Variants in PTPRT observed in about 807,000 individuals in gnomAD.
PTPRT encodes receptor-type tyrosine-protein phosphatase T.
In PTPRT, 56 loss-of-function variants were observed where a neutral mutation model predicts 176.8. That is an observed-to-expected ratio of 0.32 (90% CI 0.26 to 0.40). The LOEUF (loss-of-function observed/expected upper bound fraction) is 0.40. PTPRT is among the 10% of genes least tolerant of loss of function. The pLI, the probability that PTPRT is intolerant of heterozygous loss-of-function variation, is 1.00. For missense variants in PTPRT, 1,540 were observed against 1,908.2 expected (o/e 0.81, Z 3.60); for synonymous variants, 783 against 739.0 (o/e 1.06, Z -0.96).
At chr20:42,949,442 A>G (rs947005584) in intron 1 of PTPRT, among the ~76,000 whole-genome samples, 9 of 152,208 alleles carry the variant, frequency 5.9e-5, no homozygotes, top group African/African-American at 1.9e-4. Flanking sequence ...CCCTCCAGCT[A>G]TTCCAGTTTT....
chr20:42,938,306 G>A lies in PTPRT; in HGVS notation c.89-52374C>T, dbSNP rs535756349. Reference sequence around the variant, plus strand: ...CATAAAATCAAAATCAGATACCCAGGAAGGATTACCCCTAGAGTCTAGAGC... The same window carrying A: ...CATAAAATCAAAATCAGATACCCAGAAAGGATTACCCCTAGAGTCTAGAGC... On this transcript the variant is annotated intron_variant, in intron 1 of 30. Coordinates refer to ENST00000373187, the MANE Select transcript of PTPRT (RefSeq NM_007050.6). Among the ~76,000 whole-genome samples the A allele has an allele frequency of 2.0e-5, 3 of 152,242 alleles. No homozygotes were observed. The South Asian group carries it at 6.2e-4, about 32-fold the overall frequency.
chr20:42,402,820 G>T (rs1227484625), intron 9 of PTPRT, among the ~76,000 whole-genome samples: 1 of 152,072 alleles, frequency 6.6e-6, no homozygotes, highest in Non-Finnish European at 1.5e-5. Context: ...GGGTGTGTGT[G>T]TGTGCATGTG....
chr20:42,650,089 T>C (rs368472991), intron 7 of PTPRT, among the ~76,000 whole-genome samples: 2 of 152,254 alleles, frequency 1.3e-5, no homozygotes, highest in South Asian at 2.1e-4. Flanking sequence ...ACTCACATCA[T>C]TGCCAGAAAA....
chr20:42,765,669 TG>T (rs531735293), intron 5 of PTPRT, among the ~76,000 whole-genome samples: 3 of 152,076 alleles, frequency 2.0e-5, no homozygotes, highest in Non-Finnish European at 1.5e-5. Flanking sequence ...GGAGTGTCTA[TG>T]TATATACATA....
rs140575278 is a variant in PTPRT, at chr20:42,198,790, T to C, written c.2491+450A>G. Among the ~76,000 whole-genome samples, 279 of 152,320 alleles carry C rather than the reference T, an allele frequency of 1.8e-3. 3 individuals are homozygous for C. The East Asian group carries it at 0.035, about 19-fold the overall frequency. ...TTGTATTTTAGATAAGTTGCTTCTC[T>C]GAGCCTCAGTTTCCTAACCACTCAG... On this transcript the variant is annotated intron_variant, in intron 16 of 30. Transcript: ENST00000373187.
At chr20:42,626,973 G>A (rs6102959) in intron 7 of PTPRT, among the ~76,000 whole-genome samples, 17,003 of 151,942 alleles carry the variant, frequency 0.11, 3,112 homozygotes, top group African/African-American at 0.38. Flanking sequence ...ACACATTACC[G>A]TGAAGCCTTA....
intron 9 of PTPRT, among the ~76,000 whole-genome samples, chr20:42,435,213 T>G (rs2059251523): frequency 6.6e-6 from 1 of 152,154 alleles, no homozygotes; most frequent in South Asian, 2.1e-4. Flanking sequence ...GTCCCTTTGT[T>G]TATAAATGTG....
the PTPRT span, among the ~76,000 whole-genome samples, chr20:42,035,044 A>G: frequency 6.6e-6 from 1 of 152,084 alleles, no homozygotes; most frequent in Admixed American, 6.5e-5. Flanking sequence ...GATTAGGCAT[A>G]ATTCCCACTA....
At chr20:42,338,309 A>G (rs1038925904) in intron 11 of PTPRT, among the ~76,000 whole-genome samples, 4 of 152,316 alleles carry the variant, frequency 2.6e-5, no homozygotes, top group Non-Finnish European at 5.9e-5. Flanking sequence ...GCAGTATTAC[A>G]TGTCCCTGAT....
chr20:42,488,510 C>A (rs1467608874), intron 7 of PTPRT, among the ~76,000 whole-genome samples: 2 of 152,104 alleles, frequency 1.3e-5, no homozygotes, highest in Admixed American at 6.5e-5. Context: ...AGAATTTCTT[C>A]CTATATTTTT....
chr20:42,336,435 G>C lies in PTPRT; in HGVS notation c.1865+14193C>G, dbSNP rs564280073. On this transcript the variant is annotated intron_variant, in intron 11 of 30. Coordinates refer to ENST00000373187, the MANE Select transcript of PTPRT (RefSeq NM_007050.6). Reference sequence around the variant, plus strand: ...CTCTGAGGCACAGGACTGGGGGAGGGGGGGTTGTAAATGGTGGTGTTGGGA... The same window carrying C: ...CTCTGAGGCACAGGACTGGGGGAGGCGGGGTTGTAAATGGTGGTGTTGGGA... Among the ~76,000 whole-genome samples the C allele has an allele frequency of 1.5e-3, 231 of 152,228 alleles. 1 individual carries two copies. The highest frequency in any genetic ancestry group is 4.8e-3 in the African/African-American group (201 of 41,534).
intron 9 of PTPRT, among the ~76,000 whole-genome samples, chr20:42,419,088 G>A (rs1416580736): frequency 1.3e-5 from 2 of 152,184 alleles, no homozygotes; most frequent in Non-Finnish European, 2.9e-5. Context: ...CCCACAGGGT[G>A]CTGCCAATAG....
chr20:42,533,494 G>A (rs2145551707), intron 7 of PTPRT, among the ~76,000 whole-genome samples: 1 of 152,298 alleles, frequency 6.6e-6, no homozygotes, highest in South Asian at 2.1e-4. Context: ...CACACAATGG[G>A]CAGTGTGTTC....
chr20:43,122,278 T>G (rs914660711), intron 1 of PTPRT, among the ~76,000 whole-genome samples: 1 of 152,198 alleles, frequency 6.6e-6, no homozygotes, highest in Non-Finnish European at 1.5e-5. Context: ...CTGGCAGGTA[T>G]CAGACATATA....
chr20:42,343,406 G>A (rs193028226), intron 11 of PTPRT, among the ~76,000 whole-genome samples: 1 of 152,254 alleles, frequency 6.6e-6, no homozygotes. Context: ...CCTGCCCCTT[G>A]GAGAAGTCAT....
chr20:43,086,348 C>CA (rs1186014150), intron 1 of PTPRT, among the ~76,000 whole-genome samples: 1 of 152,254 alleles, frequency 6.6e-6, no homozygotes, highest in African/African-American at 2.4e-5. Flanking sequence ...CATGACACTG[C>CA]ATGTGTAAGC....
chr20:42,089,005 A>G (rs56331899), intron 27 of PTPRT, among the ~76,000 whole-genome samples: 2,379 of 152,308 alleles, frequency 0.016, 29 homozygotes, highest in Non-Finnish European at 0.023. Flanking sequence ...CATAAATAGC[A>G]TAAGTATGCA....
chr20:42,205,877 C>A (rs959634984), intron 15 of PTPRT, among the ~76,000 whole-genome samples: 4 of 152,144 alleles, frequency 2.6e-5, no homozygotes, highest in African/African-American at 9.7e-5. Flanking sequence ...GCACTGTCCT[C>A]TTTGAATCCA....
chr20:43,149,833 C>T (rs1268923359), intron 1 of PTPRT, among the ~76,000 whole-genome samples: 1 of 152,190 alleles, frequency 6.6e-6, no homozygotes, highest in Non-Finnish European at 1.5e-5. Flanking sequence ...TCTGGAACAC[C>T]GTGGTCTCTA....
Sources: allele counts gnomAD v4.1 joint callset (sites outside exome capture counted in the v4.1 genomes callset), GRCh38; gene constraint gnomAD v4.1.1; transcripts MANE v1.5; gene names NCBI Gene and HGNC (gene_info 2026-07-23, HGNC 2026-07-21).